Variants in MAN2A1 observed in about 807,000 individuals in gnomAD.
The protein encoded by MAN2A1 is alpha-mannosidase 2.
Under a neutral mutation model 142.6 loss-of-function variants are expected in MAN2A1, and 76 were observed. The observed-to-expected ratio is 0.53, with a 90% CI of 0.44 to 0.65. The LOEUF is 0.65. Among genes scored for constraint, MAN2A1 ranks in the 30% least tolerant of loss-of-function variants. The pLI is 0.00. For missense variants in MAN2A1, 1,311 were observed against 1,365.1 expected (o/e 0.96, Z 0.62); for synonymous variants, 559 against 473.2 (o/e 1.18, Z -2.35).
Position 109,839,669 on chromosome 5 carries a change from TA to T in MAN2A1, c.2567-2656del, listed in dbSNP as rs1301158248. Among the ~76,000 whole-genome samples the T allele has an allele frequency of 6.8e-3, 1,020 of 149,008 alleles. 15 individuals are homozygous for T. The highest frequency in any genetic ancestry group is 0.024 in the African/African-American group (965 of 40,394). ...TCTCTCTTTTTTTTTTTTTTTTTTT[TA>T]AATAACATTCCGCATTTCCTCACCC... is the stretch of plus-strand genomic sequence containing the variant. On this transcript the variant is annotated intron_variant, in intron 16 of 21. Transcript: ENST00000261483.
At chr5:109,824,070 A>G (rs997841402) in intron 16 of MAN2A1, among the ~76,000 whole-genome samples, 5 of 152,354 alleles carry the variant, frequency 3.3e-5, no homozygotes, top group Middle Eastern at 3.4e-3. Context: ...AATTGTTGCC[A>G]TATTGGTCTT....
chr5:109,791,153 T>C (rs1371477919), intron 12 of MAN2A1, among the ~76,000 whole-genome samples: 1 of 152,064 alleles, frequency 6.6e-6, no homozygotes, highest in Non-Finnish European at 1.5e-5. Context: ...TAGTATAGGG[T>C]TTATCTTCCT....
intron 16 of MAN2A1, among the ~76,000 whole-genome samples, chr5:109,842,049 A>G (rs971489419): frequency 3.9e-5 from 6 of 152,226 alleles, no homozygotes; most frequent in Admixed American, 6.5e-5. Context: ...TAGAACTCAG[A>G]GAATCATTTA....
At position 109,733,861 on chromosome 5, in the gene MAN2A1, A is replaced by G. The variant is rs1337126847; in HGVS notation, c.707+4348A>G. Among the ~76,000 whole-genome samples the G allele has an allele frequency of 2.0e-5, 3 of 152,276 alleles. No homozygotes were observed. In the East Asian group the frequency reaches 5.8e-4, roughly 29 times the overall value. ...GTCTCTGTCAGGCTTTGGTATCAGGATGATGCTGGCCTCATAAAATGAGTT... is the reference window on the plus strand; with the variant it reads ...GTCTCTGTCAGGCTTTGGTATCAGGGTGATGCTGGCCTCATAAAATGAGTT... On this transcript the variant is annotated intron_variant, in intron 4 of 21. Transcript: ENST00000261483.
Position 109,855,259 on chromosome 5 carries a change from A to C in MAN2A1, c.3096A>C (p.Gln1032His). 2 of 1,607,796 alleles carry C rather than the reference A, an allele frequency of 1.2e-6. No homozygotes were observed. Among genetic ancestry groups the C allele is most frequent in the Non-Finnish European group, 1.7e-6 (2 of 1,177,862 alleles). The change falls in exon 20 of 22, where the codon CAA (glutamine) becomes CAC (histidine). Residue 1032 changes from glutamine to histidine, a missense_variant. Physicochemically the swap from Gln to His is conservative, Grantham distance 24. Coordinates refer to ENST00000261483, the MANE Select transcript of MAN2A1 (RefSeq NM_002372.4). Reference sequence around the variant, plus strand: ...TCTCCTCACCTACCCTTGAGCTGCAAGGTGAATTCTCTCCATTACAGTCAT... The same window carrying C: ...TCTCCTCACCTACCCTTGAGCTGCACGGTGAATTCTCTCCATTACAGTCAT... ...NKFSSPTLEL[Q>H]GEFSPLQSSL... is the part of the protein sequence containing the mutation.
At chr5:109,831,510 T>G (rs1754905379) in intron 16 of MAN2A1, among the ~76,000 whole-genome samples, 1 of 152,248 alleles carries the variant, frequency 6.6e-6, no homozygotes, top group East Asian at 1.9e-4. Flanking sequence ...TATATATTTT[T>G]TAATTGACTT....
chr5:109,757,122 T>A (rs1752709116), intron 5 of MAN2A1, among the ~76,000 whole-genome samples: 1 of 152,194 alleles, frequency 6.6e-6, no homozygotes, highest in Admixed American at 6.5e-5. Flanking sequence ...TTTTCTCATT[T>A]CACTGTAATA....
chr5:109,731,749 T>C (rs546896849), intron 4 of MAN2A1, among the ~76,000 whole-genome samples: 2 of 152,110 alleles, frequency 1.3e-5, no homozygotes, highest in South Asian at 4.2e-4. Flanking sequence ...ATTTTCTTAA[T>C]GCAGTCTATC....
chr5:109,832,333 T>G (rs1395636502), intron 16 of MAN2A1, among the ~76,000 whole-genome samples: 1 of 151,998 alleles, frequency 6.6e-6, no homozygotes, highest in Non-Finnish European at 1.5e-5. Context: ...CTTCTGCAGT[T>G]TTTGTGTCCC....
At position 109,784,746 on chromosome 5, in the gene MAN2A1, C is replaced by A; in HGVS notation, c.1580C>A (p.Ala527Asp). The change falls in exon 10 of 22, where the codon GCT (alanine) becomes GAT (aspartate). Residue 527 changes from alanine to aspartate, a missense_variant and splice_region_variant. Physicochemically the swap from Ala to Asp is moderately radical, Grantham distance 126. Around this residue, in one of 3 missense-constraint regions of MAN2A1, gnomAD observed 890 missense variants for 920.5 expected, o/e 0.97. Transcript: ENST00000261483. ...MDRIMESHLRAAEILYYFALR... is the reference protein window; with the variant it reads ...MDRIMESHLRDAEILYYFALR... ...AAATATGACTTTTATGCAATTAGGG[C>A]TGCTGAAATTCTTTACTATTTCGCC... 1 of 1,587,016 alleles carries A rather than the reference C, an allele frequency of 6.3e-7. No homozygotes were observed. Among genetic ancestry groups the A allele is most frequent in the South Asian group, 1.2e-5 (1 of 85,132 alleles).
intron 1 of MAN2A1, among the ~76,000 whole-genome samples, chr5:109,710,122 T>C (rs1171939557): frequency 6.6e-6 from 1 of 152,190 alleles, no homozygotes; most frequent in East Asian, 1.9e-4. Context: ...TGTGCATATA[T>C]CCCTAGGCCA....
At chr5:109,818,048 C>G (rs950422758) in intron 13 of MAN2A1, among the ~76,000 whole-genome samples, 1 of 152,134 alleles carries the variant, frequency 6.6e-6, no homozygotes, top group African/African-American at 2.4e-5. Flanking sequence ...TCTGGAATGT[C>G]ATTTAAACGG....
chr5:109,809,716 A>G (rs967445192), intron 12 of MAN2A1, among the ~76,000 whole-genome samples: 1 of 151,914 alleles, frequency 6.6e-6, no homozygotes, highest in Non-Finnish European at 1.5e-5. Flanking sequence ...CACCAGGTGT[A>G]TTTTCTCCGT....
At chr5:109,691,536 AT>A (rs1750672698) in intron 1 of MAN2A1, among the ~76,000 whole-genome samples, 1 of 151,984 alleles carries the variant, frequency 6.6e-6, no homozygotes, top group Non-Finnish European at 1.5e-5. Context: ...GTTGATATAT[AT>A]TTTTTTCTCT....
chr5:109,825,398 G>T (rs1189774524), intron 16 of MAN2A1, among the ~76,000 whole-genome samples: 1 of 152,158 alleles, frequency 6.6e-6, no homozygotes, highest in African/African-American at 2.4e-5. Flanking sequence ...TTAGAGATGG[G>T]CTATGTCTCA....
Position 109,819,739 on chromosome 5 carries a change from A to G in MAN2A1, c.2180A>G (p.Asn727Ser), listed in dbSNP as rs373967897. 1.2e-4 allele frequency: 187 copies of G among 1,612,556 alleles called. No individual in the cohort carries two copies. Among genetic ancestry groups the G allele is most frequent in the Non-Finnish European group, 1.5e-4 (182 of 1,179,298 alleles). ...VYKILESASSNSHLADYVLYK... is the reference protein window; with the variant it reads ...VYKILESASSSSHLADYVLYK... ...AAGATTTTGGAATCAGCAAGTTCAAATTCACATTTAGCTGATTATGTCTTG... is the reference window on the plus strand; with the variant it reads ...AAGATTTTGGAATCAGCAAGTTCAAGTTCACATTTAGCTGATTATGTCTTG... The change falls in exon 14 of 22, where the codon AAT (asparagine) becomes AGT (serine). Residue 727 changes from asparagine (N) to serine (S), a missense_variant. Physicochemically the swap from Asn to Ser is conservative, Grantham distance 46 (BLOSUM62 1). Around this residue, in one of 3 missense-constraint regions of MAN2A1, gnomAD observed 890 missense variants for 920.5 expected, o/e 0.97. Coordinates refer to ENST00000261483, the MANE Select transcript of MAN2A1 (RefSeq NM_002372.4).
chr5:109,766,773 T>G (rs1753003513), intron 5 of MAN2A1, among the ~76,000 whole-genome samples: 2 of 152,320 alleles, frequency 1.3e-5, no homozygotes, highest in South Asian at 4.1e-4. Context: ...TCCCAAATAA[T>G]TAAAACATCA....
At chr5:109,712,068 C>G (rs1751317330) in intron 1 of MAN2A1, among the ~76,000 whole-genome samples, 1 of 151,984 alleles carries the variant, frequency 6.6e-6, no homozygotes, top group Admixed American at 6.6e-5. Context: ...ACTGCCACCC[C>G]CAGTGATTTG....
At chr5:109,699,567 A>T (rs1172669970) in intron 1 of MAN2A1, 1 of 148,320 alleles carries the variant, frequency 6.7e-6, no homozygotes, top group Non-Finnish European at 1.5e-5. Flanking sequence ...AAAATGATAT[A>T]CTTGATAAAT....
Sources: allele counts gnomAD v4.1 joint callset (sites outside exome capture counted in the v4.1 genomes callset), GRCh38; gene constraint gnomAD v4.1.1; regional missense constraint gnomAD v4.1.1; transcripts MANE v1.5; gene names NCBI Gene and HGNC (gene_info 2026-07-23, HGNC 2026-07-21).